LARGE1: variants seen among roughly 807,000 people sequenced by gnomAD.
LARGE1 encodes the protein LARGE xylosyl- and glucuronyltransferase 1.
Under a neutral mutation model 87.6 loss-of-function variants are expected in LARGE1, and 43 were observed. That is an observed-to-expected ratio of 0.49 (90% CI 0.38 to 0.63). LARGE1 has a LOEUF of 0.63. Among genes scored for constraint, LARGE1 ranks in the 30% least tolerant of loss-of-function variants. The probability of loss-of-function intolerance (pLI) is 0.00; values close to 1 mark genes in which losing one functional copy is unlikely to be tolerated. For synonymous variants in LARGE1, 434 were observed against 394.6 expected (o/e 1.10, Z -1.18); for missense variants, 802 against 1,000.2 (o/e 0.80, Z 2.67).
chr22:33,517,943 A>T lies in LARGE1; in HGVS notation c.787+46905T>A, dbSNP rs529735606. Among the ~76,000 whole-genome samples, 7 of 152,344 alleles carry T rather than the reference A, an allele frequency of 4.6e-5. No homozygotes were observed. In the South Asian group the frequency reaches 1.2e-3, roughly 27 times the overall value. Reference sequence around the variant, plus strand: ...AGTGAGCAGGACTGGCCTGAAGATTATAAGGAGAACTGGGTGATGCCCCAA... The same window carrying T: ...AGTGAGCAGGACTGGCCTGAAGATTTTAAGGAGAACTGGGTGATGCCCCAA... On this transcript the variant is annotated intron_variant, in intron 6 of 14. Coordinates refer to ENST00000397394, the MANE Select transcript of LARGE1 (RefSeq NM_133642.5).
chr22:33,127,822 A>G, the LARGE1 span, among the ~76,000 whole-genome samples: 2 of 152,256 alleles, frequency 1.3e-5, no homozygotes, highest in Admixed American at 1.3e-4. Context: ...AAATGATGAA[A>G]TGAATTTCCT....
chr22:33,120,191 C>T, the LARGE1 span, among the ~76,000 whole-genome samples: 1 of 151,928 alleles, frequency 6.6e-6, no homozygotes, highest in African/African-American at 2.4e-5. Context: ...TGTATATATA[C>T]ACTCTTAAGT....
chr22:33,084,413 C>T, the LARGE1 span, among the ~76,000 whole-genome samples: 2 of 151,916 alleles, frequency 1.3e-5, no homozygotes, highest in Non-Finnish European at 2.9e-5. Context: ...AATCTCAACA[C>T]TTTGGGAGAC....
chr22:33,253,527 CA>C (rs1322911805), intron 11 of LARGE1, among the ~76,000 whole-genome samples: 13 of 152,214 alleles, frequency 8.5e-5, no homozygotes, highest in Non-Finnish European at 1.8e-4. Flanking sequence ...GCCTGGCCAA[CA>C]TGGTGAAACC....
chr22:33,114,057 T>C, the LARGE1 span, among the ~76,000 whole-genome samples: 2 of 150,824 alleles, frequency 1.3e-5, no homozygotes. Flanking sequence ...TTTTTTTTTT[T>C]AGTAGAGATG....
chr22:33,762,013 T>G (rs1276474424), intron 1 of LARGE1, among the ~76,000 whole-genome samples: 4 of 151,852 alleles, frequency 2.6e-5, no homozygotes, highest in African/African-American at 7.3e-5. Context: ...GATCAGGAGT[T>G]GAAGACCAGC....
At chr22:33,393,890 A>C (rs1334364786) in intron 7 of LARGE1, among the ~76,000 whole-genome samples, 1 of 152,224 alleles carries the variant, frequency 6.6e-6, no homozygotes, top group Non-Finnish European at 1.5e-5. Flanking sequence ...TTAAAAATCA[A>C]AGGATTCTCT....
At chr22:33,812,968 C>T (rs2086543196) in intron 1 of LARGE1, among the ~76,000 whole-genome samples, 1 of 152,132 alleles carries the variant, frequency 6.6e-6, no homozygotes, top group South Asian at 2.1e-4. Context: ...CTGGTTTTCT[C>T]CTATTAGGTG....
chr22:33,541,150 A>G (rs2077192621), intron 6 of LARGE1, among the ~76,000 whole-genome samples: 1 of 141,808 alleles, frequency 7.1e-6, no homozygotes, highest in South Asian at 2.3e-4. Context: ...ACTGCACTCC[A>G]GCCTGGGCTA....
chr22:33,369,306 A>G (rs113170873), intron 9 of LARGE1, among the ~76,000 whole-genome samples: 1,784 of 152,314 alleles, frequency 0.012, 22 homozygotes, highest in African/African-American at 0.035. Flanking sequence ...CAAGAGATTG[A>G]TAAGAAATAG....
At chr22:33,628,288 G>C (rs1308687249) in intron 3 of LARGE1, among the ~76,000 whole-genome samples, 1 of 150,988 alleles carries the variant, frequency 6.6e-6, no homozygotes, top group East Asian at 2.0e-4. Flanking sequence ...TAGAGAATTG[G>C]GATTTGAATT....
intron 1 of LARGE1, among the ~76,000 whole-genome samples, chr22:33,820,802 T>C (rs905824272): frequency 1.3e-5 from 2 of 152,164 alleles, no homozygotes; most frequent in Admixed American, 6.6e-5. Context: ...ATATCCACAC[T>C]TGCCCTTTTC....
At chr22:33,317,421 CA>C (rs1335784532) in intron 10 of LARGE1, among the ~76,000 whole-genome samples, 1 of 152,146 alleles carries the variant, frequency 6.6e-6, no homozygotes, top group Non-Finnish European at 1.5e-5. Context: ...GTTAACAAAA[CA>C]GAAACTCTTT....
chr22:33,867,168 C>A (rs543003827), intron 1 of LARGE1, among the ~76,000 whole-genome samples: 1 of 152,224 alleles, frequency 6.6e-6, no homozygotes, highest in South Asian at 2.1e-4. Flanking sequence ...AATTACCCCA[C>A]GGTGGATGGA....
At chr22:33,122,129 G>T in the LARGE1 span, among the ~76,000 whole-genome samples, 12 of 152,222 alleles carry the variant, frequency 7.9e-5, no homozygotes, top group Non-Finnish European at 1.0e-4. Context: ...TCTTTCCCCT[G>T]AGTTATTTCT....
At chr22:33,391,186 A>C (rs1267843943) in intron 7 of LARGE1, among the ~76,000 whole-genome samples, 1 of 152,162 alleles carries the variant, frequency 6.6e-6, no homozygotes, top group African/African-American at 2.4e-5. Flanking sequence ...TCCTGCATTC[A>C]GAAGTCATTT....
At chr22:33,887,674 T>C (rs2064893245) in intron 1 of LARGE1, among the ~76,000 whole-genome samples, 1 of 151,674 alleles carries the variant, frequency 6.6e-6, no homozygotes, top group African/African-American at 2.4e-5. Flanking sequence ...GAGGTGGAGG[T>C]TGTGGTGAGT....
the LARGE1 span, among the ~76,000 whole-genome samples, chr22:33,113,777 C>T: frequency 2.0e-5 from 3 of 152,250 alleles, no homozygotes; most frequent in South Asian, 4.1e-4. Flanking sequence ...ACCACACTCT[C>T]GTTCAAAATC....
chr22:33,780,860 T>C (rs1411087705), intron 1 of LARGE1, among the ~76,000 whole-genome samples: 3 of 152,224 alleles, frequency 2.0e-5, no homozygotes, highest in Non-Finnish European at 4.4e-5. Context: ...CAAAATCAAA[T>C]TGTTCAGATA....
Sources: allele counts gnomAD v4.1 joint callset (sites outside exome capture counted in the v4.1 genomes callset), GRCh38; gene constraint gnomAD v4.1.1; transcripts MANE v1.5; gene names NCBI Gene and HGNC (gene_info 2026-07-23, HGNC 2026-07-21).